Variants in GLDN observed in about 807,000 individuals in gnomAD.
GLDN encodes the protein gliomedin, also known as collomin.
Under a neutral mutation model 56.5 loss-of-function variants are expected in GLDN, and 47 were observed. That is an observed-to-expected ratio of 0.83 (90% CI 0.66 to 1.06). GLDN has a LOEUF of 1.06. Among genes scored for constraint, GLDN ranks in the 50% least tolerant of loss-of-function variants. The pLI is 0.00. For missense variants in GLDN, 782 were observed against 714.3 expected (o/e 1.09, Z -1.08); for synonymous variants, 332 against 278.8 (o/e 1.19, Z -1.90).
chr15:51,369,832 C>T (rs1201607920), intron 1 of GLDN, among the ~76,000 whole-genome samples: 1 of 152,118 alleles, frequency 6.6e-6, no homozygotes, highest in Non-Finnish European at 1.5e-5. Flanking sequence ...CTGAGCAGTA[C>T]AAAAAAGTAG....
chr15:51,398,477 C>T (rs1250907098), intron 6 of GLDN, among the ~76,000 whole-genome samples: 1 of 152,236 alleles, frequency 6.6e-6, no homozygotes, highest in Non-Finnish European at 1.5e-5. Flanking sequence ...GGGCCACTTG[C>T]GGCCATCTCC....
At chr15:51,400,069 A>G (rs2038214632) in intron 6 of GLDN, 123 bp from the exon 7 acceptor site, 2 of 766,864 alleles carry the variant, frequency 2.6e-6, no homozygotes, top group South Asian at 1.6e-5. Flanking sequence ...CTGGTGATCT[A>G]TTGCAAGGGA....
intron 1 of GLDN, among the ~76,000 whole-genome samples, chr15:51,364,166 G>T (rs769207600): frequency 1.3e-5 from 2 of 152,106 alleles, no homozygotes; most frequent in African/African-American, 2.4e-5. Flanking sequence ...CTTCAGAAAA[G>T]TTTCCGTCCT....
chr15:51,385,854 CA>C (rs1341240515), intron 4 of GLDN, among the ~76,000 whole-genome samples: 1 of 152,182 alleles, frequency 6.6e-6, no homozygotes, highest in African/African-American at 2.4e-5. Context: ...TAGTTGAGAT[CA>C]GAGAGGTAAC....
chr15:51,347,482 A>G (rs1595798921), intron 1 of GLDN, among the ~76,000 whole-genome samples: 2 of 152,284 alleles, frequency 1.3e-5, no homozygotes, highest in South Asian at 4.2e-4. Context: ...GCCCAAGACA[A>G]TTCTTCTTCT....
At position 51,397,575 on chromosome 15, in the gene GLDN, G is replaced by C. The variant is rs17648128; in HGVS notation, c.794G>C (p.Ser265Thr). Residue 265 changes from serine to threonine, a missense_variant, in exon 6 of 10, where the codon AGC becomes ACC. By Grantham distance (58) the Ser-to-Thr change is moderately conservative. Coordinates refer to ENST00000335449, the MANE Select transcript of GLDN (RefSeq NM_181789.4). The part of the protein sequence containing the change: ...SRRAKGPRQP[S>T]MFNGQCPGET... ...AGAGCCAAAGGCCCTCGGCAGCCAA[G>C]CATGTTCAACGGCCAGTGCCCAGGT... 18 of 1,597,774 alleles carry C rather than the reference G, an allele frequency of 1.1e-5. No individual in the cohort carries two copies. The highest frequency in any genetic ancestry group is 1.5e-5 in the Non-Finnish European group (18 of 1,171,108).
At chr15:51,395,495 C>G (rs1365439734) in intron 5 of GLDN, among the ~76,000 whole-genome samples, 1 of 152,124 alleles carries the variant, frequency 6.6e-6, no homozygotes, top group Non-Finnish European at 1.5e-5. Flanking sequence ...CCAGGGCCAG[C>G]AAATGTGACA....
At chr15:51,348,282 A>T (rs78377746) in intron 1 of GLDN, among the ~76,000 whole-genome samples, 2,738 of 151,348 alleles carry the variant, frequency 0.018, 89 homozygotes, top group African/African-American at 0.063. Context: ...CCTGTGCCTG[A>T]TATTTTTTTC....
chr15:51,347,904 C>T (rs1203235015), intron 1 of GLDN, among the ~76,000 whole-genome samples: 2 of 152,106 alleles, frequency 1.3e-5, no homozygotes, highest in Non-Finnish European at 2.9e-5. Flanking sequence ...GAACAATCCC[C>T]AGGATATATT....
At chr15:51,388,230 ACC>A (rs2037942000) in intron 4 of GLDN, among the ~76,000 whole-genome samples, 1 of 151,720 alleles carries the variant, frequency 6.6e-6, no homozygotes, top group Admixed American at 6.6e-5. Context: ...TCCTGAAATC[ACC>A]CCATGGTGAT....
At chr15:51,367,206 G>A (rs1283145243) in intron 1 of GLDN, among the ~76,000 whole-genome samples, 1 of 152,176 alleles carries the variant, frequency 6.6e-6, no homozygotes, top group Non-Finnish European at 1.5e-5. Context: ...AACACCTGGT[G>A]GGGGAAATCC....
intron 1 of GLDN, among the ~76,000 whole-genome samples, chr15:51,359,642 A>G (rs2141061790): frequency 6.6e-6 from 1 of 152,284 alleles, no homozygotes; most frequent in Admixed American, 6.5e-5. Context: ...AAAGGAAGAA[A>G]ACCCTATGGC....
Position 51,384,040 on chromosome 15 carries a change from G to T in GLDN, c.541+148G>T, listed in dbSNP as rs1020263357. 3.5e-5 allele frequency: 25 copies of T among 712,190 alleles called. No homozygotes were observed. The Admixed American group carries it at 4.8e-4, about 14-fold the overall frequency. The allele number at this position is 712,190 out of a possible 1,614,324, so 44.1% of individuals were successfully genotyped here. On this transcript the variant is annotated intron_variant, in intron 4 of 9. Coordinates refer to ENST00000335449, the MANE Select transcript of GLDN (RefSeq NM_181789.4). Reference sequence around the variant, plus strand: ...TTAACTCTTACCTAGAAGCCATTGCGTTCCGGGATACCAAGGGTATACTTC... The same window carrying T: ...TTAACTCTTACCTAGAAGCCATTGCTTTCCGGGATACCAAGGGTATACTTC...
At chr15:51,384,064 T>C (rs957835361) in intron 4 of GLDN, 172 bp downstream of exon 4, 1 of 680,580 alleles carries the variant, frequency 1.5e-6, no homozygotes, top group Admixed American at 2.3e-5. Context: ...AGGGTATACT[T>C]CTTGGTCCCA....
intron 4 of GLDN, among the ~76,000 whole-genome samples, chr15:51,390,752 CTGTT>C (rs1266504993): frequency 6.6e-6 from 1 of 152,122 alleles, no homozygotes; most frequent in Non-Finnish European, 1.5e-5. Flanking sequence ...GCTGATGAAA[CTGTT>C]TGTTTTGAGT....
chr15:51,401,633 G>A lies in GLDN; in HGVS notation c.1068G>A (p.Leu356=), dbSNP rs978612741. 1.2e-6 allele frequency: 2 copies of A among 1,614,050 alleles called. No individual in the cohort carries two copies. The highest frequency in any genetic ancestry group is 1.7e-6 in the Non-Finnish European group (2 of 1,180,024). ...AATTCAAGGATCAGCCCTCACTTCT[G>A]AATGGCAGTTACACGTTCATCCACC... ...VKEFKDQPSL[L]NGSYTFIHLP... The change falls in exon 9 of 10, where the codon CTG becomes CTA. Residue 356 remains leucine, a synonymous_variant. Transcript: ENST00000335449.
downstream of GLDN, among the ~76,000 whole-genome samples, chr15:51,409,070 A>AG (rs1243040741): frequency 1.4e-4 from 6 of 43,398 alleles, no homozygotes; most frequent in East Asian, 5.1e-3. Context: ...GGGCTGCTAT[A>AG]AAGACCCTGT....
chr15:51,344,922 G>A (rs1386342746), intron 1 of GLDN, among the ~76,000 whole-genome samples: 1 of 152,190 alleles, frequency 6.6e-6, no homozygotes, highest in Non-Finnish European at 1.5e-5. Context: ...CAGTTAATTT[G>A]ACACAGCCAA....
chr15:51,348,207 T>A (rs577388902), intron 1 of GLDN, among the ~76,000 whole-genome samples: 1 of 152,334 alleles, frequency 6.6e-6, no homozygotes, highest in East Asian at 1.9e-4. Flanking sequence ...CTGAGGTTCA[T>A]CTGCCTTGTC....
Sources: allele counts gnomAD v4.1 joint callset (sites outside exome capture counted in the v4.1 genomes callset), GRCh38; gene constraint gnomAD v4.1.1; transcripts MANE v1.5; gene names NCBI Gene and HGNC (gene_info 2026-07-23, HGNC 2026-07-21).